Variants in CPAMD8 observed in about 807,000 individuals in gnomAD.
The protein encoded by CPAMD8 is C3 and PZP like alpha-2-macroglobulin domain containing 8, also known as C3 and PZP-like alpha-2-macroglobulin domain-containing protein 8.
CPAMD8 carries 146 observed loss-of-function variants against 224.7 expected under a neutral mutation model. The ratio of observed to expected loss-of-function variants is 0.65; its 90% CI spans 0.57 to 0.75. The LOEUF (loss-of-function observed/expected upper bound fraction) is 0.75, where lower values mean the gene tolerates loss of function less well. CPAMD8 is among the 30% of genes least tolerant of loss of function. CPAMD8 has a pLI of 0.00. For missense variants in CPAMD8, 2,301 were observed against 2,537.5 expected, an observed-to-expected ratio of 0.91 and a Z score of 2.00; for synonymous variants, 966 against 1,044.6, an observed-to-expected ratio of 0.92 and a Z score of 1.45.
chr19:16,992,129 C>A (rs7256009), intron 12 of CPAMD8, among the ~76,000 whole-genome samples: 28,101 of 152,124 alleles, frequency 0.18, 2,910 homozygotes, highest in African/African-American at 0.28. Flanking sequence ...CCTCTCCAGT[C>A]CCTCCTGTTC....
At chr19:16,950,222 C>A (rs542674705) in intron 20 of CPAMD8, among the ~76,000 whole-genome samples, 1 of 151,852 alleles carries the variant, frequency 6.6e-6, no homozygotes, top group Admixed American at 6.6e-5. Flanking sequence ...CGCTTGAACC[C>A]GGGAGGCGGA....
At position 16,938,387 on chromosome 19, in the gene CPAMD8, G is replaced by A; in HGVS notation, c.2845+8C>T. On this transcript the variant is annotated splice_region_variant and intron_variant, in intron 23 of 41. Transcript: ENST00000443236. ...CACACCTTAGCAGAATGGGCACGGG[G>A]GACTCACCACTGGGACAGAAGAATG... The A allele has an allele frequency of 1.3e-6, 2 of 1,531,414 alleles. No homozygotes were observed. Among genetic ancestry groups the A allele is most frequent in the Non-Finnish European group, 8.8e-7 (1 of 1,138,472 alleles). 94.9% of individuals were successfully genotyped at this position (1,531,414 alleles called of 1,614,324 possible).
rs1434069193 is a variant in CPAMD8 at position 16,901,196 on chromosome 19, C to T, written c.4773+14G>A. The T allele has an allele frequency of 8.2e-6, 13 of 1,589,832 alleles. No homozygotes were observed. The highest frequency in any genetic ancestry group is 1.3e-5 in the African/African-American group (1 of 74,334). On this transcript the variant is annotated intron_variant, in intron 36 of 41. Coordinates refer to ENST00000443236, the MANE Select transcript of CPAMD8 (RefSeq NM_015692.5). Reference sequence around the variant, plus strand: ...GAGATCCCTGCCCACCGCTGCTCACCGGCGCTGCCTCACCTGCTCCAGGCT... The same window carrying T: ...GAGATCCCTGCCCACCGCTGCTCACTGGCGCTGCCTCACCTGCTCCAGGCT...
At chr19:16,918,314 C>T (rs2053038325) in intron 27 of CPAMD8, among the ~76,000 whole-genome samples, 1 of 152,146 alleles carries the variant, frequency 6.6e-6, no homozygotes, top group Non-Finnish European at 1.5e-5. Context: ...TACTTTAAAG[C>T]ATGTCTTGAT....
intron 26 of CPAMD8, among the ~76,000 whole-genome samples, chr19:16,922,827 C>T (rs1427251410): frequency 6.6e-6 from 1 of 152,132 alleles, no homozygotes; most frequent in African/African-American, 2.4e-5. Flanking sequence ...ATCGGGGATC[C>T]CTGGAACTAC....
intron 22 of CPAMD8, among the ~76,000 whole-genome samples, chr19:16,941,959 G>T (rs569009458): frequency 6.6e-6 from 1 of 152,032 alleles, no homozygotes; most frequent in Non-Finnish European, 1.5e-5. Flanking sequence ...GCGACAGAGC[G>T]AGACTCCATC....
At chr19:16,949,109 A>C (rs1402743684) in intron 20 of CPAMD8, among the ~76,000 whole-genome samples, 1 of 152,030 alleles carries the variant, frequency 6.6e-6, no homozygotes, top group Non-Finnish European at 1.5e-5. Context: ...GAAACTCAAC[A>C]GTGTCAATGA....
At position 16,899,876 on chromosome 19, in the gene CPAMD8, C is replaced by T. The variant is rs1239806282; in HGVS notation, c.4774-327G>A. On this transcript the variant is annotated intron_variant, in intron 36 of 41. Transcript: ENST00000443236. The surrounding 1 kb of genome is among the most constrained non-coding windows in gnomAD (Gnocchi z 5.4). ...CTGCTGGTGTCTCAGCTGCACTGTT[C>T]AAGTTCCCCTCCCAGCCTGGGATTT... Among the ~76,000 whole-genome samples the T allele has an allele frequency of 6.6e-6, 1 of 151,634 alleles. No homozygotes were observed. The highest frequency in any genetic ancestry group is 2.4e-5 in the African/African-American group (1 of 41,256).
chr19:16,972,727 C>T (rs1418175704), intron 17 of CPAMD8, among the ~76,000 whole-genome samples: 2 of 152,166 alleles, frequency 1.3e-5, no homozygotes, highest in Non-Finnish European at 2.9e-5. Context: ...AGCCACCGCG[C>T]CCAGCCTTTG....
In CPAMD8 at chr19:16,902,845, C is replaced by T. The variant is rs201613702; in HGVS notation, c.4489G>A (p.Val1497Met). ...CLMQIDVTYN[V>M]PDPVAKPAFQ... is the part of the protein sequence containing the mutation. ...GCTGGCTTGGCCACCGGGTCAGGCA[C>T]ATTGTAGGTGACATCAATCTGGGGG... The change falls in exon 35 of 42, where the codon GTG becomes ATG. Residue 1497 changes from valine to methionine, a missense_variant. By Grantham distance (21) the Val-to-Met change is conservative (BLOSUM62 1). This residue lies in a region of CPAMD8 where 1,709 missense variants were observed against 1,753.2 expected (regional missense o/e 0.97). Transcript: ENST00000443236. 1.3e-6 allele frequency: 2 copies of T among 1,542,108 alleles called. No homozygotes were observed. Among genetic ancestry groups the T allele is most frequent in the South Asian group, 2.5e-5 (2 of 80,308 alleles).
chr19:16,927,242 C>G (rs1223759905), intron 25 of CPAMD8, among the ~76,000 whole-genome samples: 1 of 152,002 alleles, frequency 6.6e-6, no homozygotes, highest in Non-Finnish European at 1.5e-5. Context: ...GGCGGCTTCC[C>G]CATACTGTTC....
At chr19:17,009,131 G>C in intron 6 of CPAMD8, 172 bp downstream of exon 6, 1 of 959,502 alleles carries the variant, frequency 1.0e-6, no homozygotes, top group Non-Finnish European at 1.6e-6. Context: ...CACACACACA[G>C]CCCATCCCAG....
Position 16,914,779 on chromosome 19 carries a change from C to CCT in CPAMD8, c.3662_3663dup (p.Ala1222ArgfsTer37). On this transcript the variant is annotated frameshift_variant, in exon 28 of 42. Transcript: ENST00000443236. LOFTEE classifies it high-confidence loss of function. ...GGGTCCACGAAGATAAAGCTGCGAG[C>CCT]CTGTGCGAAGGACTTCAGGACAAAG... The CCT allele has an allele frequency of 6.2e-7, 1 of 1,613,634 alleles. No homozygotes were observed. The highest frequency in any genetic ancestry group is 8.5e-7 in the Non-Finnish European group (1 of 1,179,784).
intron 3 of CPAMD8, among the ~76,000 whole-genome samples, chr19:17,018,717 T>TACACACACACACACAC (rs367984655): frequency 5.8e-5 from 8 of 136,826 alleles, no homozygotes; most frequent in Middle Eastern, 7.1e-3. Context: ...CTACTAAAAA[T>TACACACACACACACAC]ACACACACAC....
At chr19:16,951,417 G>A (rs1366873476) in intron 20 of CPAMD8, among the ~76,000 whole-genome samples, 4 of 152,190 alleles carry the variant, frequency 2.6e-5, no homozygotes, top group Non-Finnish European at 5.9e-5. Flanking sequence ...ATTCTATGGA[G>A]TTCGGATTTC....
chr19:16,909,473 G>T (rs2052643080), intron 29 of CPAMD8, among the ~76,000 whole-genome samples: 1 of 152,162 alleles, frequency 6.6e-6, no homozygotes, highest in Non-Finnish European at 1.5e-5. Flanking sequence ...GAACCTGGGA[G>T]GCGGAGCTTG....
At chr19:16,941,811 A>G (rs577769951) in intron 22 of CPAMD8, among the ~76,000 whole-genome samples, 1 of 152,190 alleles carries the variant, frequency 6.6e-6, no homozygotes. Flanking sequence ...TGCCTCTACT[A>G]AAAATATAAA....
At position 16,947,229 on chromosome 19, in the gene CPAMD8, T is replaced by G; in HGVS notation, c.2509-2A>C. Reference sequence around the variant, plus strand: ...GGGAACCGAGAGCTTCATGTACACCTGCAGAGGGTGGCATTGGCTCATGGC... The same window carrying G: ...GGGAACCGAGAGCTTCATGTACACCGGCAGAGGGTGGCATTGGCTCATGGC... On this transcript the variant is annotated splice_acceptor_variant, in intron 20 of 41. Coordinates refer to ENST00000443236, the MANE Select transcript of CPAMD8 (RefSeq NM_015692.5). LOFTEE classifies it high-confidence loss of function. 1 of 1,609,202 alleles carries G rather than the reference T, an allele frequency of 6.2e-7. No individual in the cohort carries two copies. Among genetic ancestry groups the G allele is most frequent in the South Asian group, 1.1e-5 (1 of 90,098 alleles).
At chr19:16,907,307 CTTT>C (rs71334641) in intron 29 of CPAMD8, among the ~76,000 whole-genome samples, 190 bp from the exon 30 acceptor site, 1 of 81,074 alleles carries the variant, frequency 1.2e-5, no homozygotes, top group Non-Finnish European at 2.2e-5. Flanking sequence ...TCTTTCTTGC[CTTT>C]TTTTTTTTTT....
Sources: gnomAD v4.1 joint callset for allele counts (sites outside exome capture counted in the v4.1 genomes callset) on GRCh38, gnomAD v4.1.1 for gene constraint, gnomAD v4.1.1 regional missense constraint, Gnocchi (gnomAD v3.1) non-coding constraint, MANE v1.5 for transcripts, NCBI Gene and HGNC (gene_info 2026-07-23, HGNC 2026-07-21) for gene names.